ANK1: variants seen among roughly 807,000 people sequenced by gnomAD.
The protein encoded by ANK1 is ankyrin-1.
In ANK1, 51 loss-of-function variants were observed where a neutral mutation model predicts 210.4. The observed-to-expected ratio is 0.24, with a 90% CI of 0.19 to 0.31. The LOEUF is 0.31. ANK1 is among the 10% of genes least tolerant of loss of function. The pLI is 1.00. For missense variants in ANK1, 2,051 were observed against 2,504.4 expected, an observed-to-expected ratio of 0.82 and a Z score of 3.86; for synonymous variants, 967 against 1,025.9, an observed-to-expected ratio of 0.94 and a Z score of 1.10.
In ANK1 at chr8:41,727,949, C is replaced by T; in HGVS notation, c.286G>A (p.Glu96Lys). The T allele has an allele frequency of 6.2e-7, 1 of 1,614,190 alleles. No individual in the cohort carries two copies. The highest frequency in any genetic ancestry group is 8.5e-7 in the Non-Finnish European group (1 of 1,180,032). The change falls in exon 4 of 43, where the codon GAG becomes AAG. Residue 96 changes from glutamate (E) to lysine (K), a missense_variant. Glu to Lys is a moderately conservative substitution (Grantham distance 56). Transcript: ENST00000289734. Reference protein sequence around the residue: ...ALAGQDEVVRELVNYGANVNA... With the variant: ...ALAGQDEVVRKLVNYGANVNA... ...ACGTTGGCTCCATAGTTGACAAGCT[C>T]CCGGACCACCTCATCCTGCCCGGCT...
intron 2 of ANK1, among the ~76,000 whole-genome samples, chr8:41,739,468 C>T (rs1216785287): frequency 6.7e-6 from 1 of 149,560 alleles, no homozygotes; most frequent in Non-Finnish European, 1.5e-5. Context: ...ATCTCTAGGT[C>T]TGATTCTGTT....
At chr8:41,821,778 T>A (rs1804296380) in intron 1 of ANK1, among the ~76,000 whole-genome samples, 1 of 152,136 alleles carries the variant, frequency 6.6e-6, no homozygotes, top group African/African-American at 2.4e-5. Flanking sequence ...CCAGGCGCGG[T>A]GGCTTATGCC....
chr8:41,689,055 T>G (rs1226666406), intron 33 of ANK1, among the ~76,000 whole-genome samples: 6 of 152,334 alleles, frequency 3.9e-5, no homozygotes, highest in Non-Finnish European at 8.8e-5. Flanking sequence ...CCTTAAGGCC[T>G]TAACATCACA....
intron 37 of ANK1, among the ~76,000 whole-genome samples, chr8:41,674,798 C>A (rs559585539): frequency 6.6e-6 from 1 of 151,734 alleles, no homozygotes; most frequent in Non-Finnish European, 1.5e-5. Context: ...GGCTGCACAG[C>A]GGCAGAGACT....
chr8:41,797,739 A>C, upstream of ANK1: 1 of 677,850 alleles, frequency 1.5e-6, no homozygotes, highest in Non-Finnish European at 2.3e-6. This position sits in a 1 kb window ranked among gnomAD's most constrained non-coding sequence, Gnocchi z 4.0. Flanking sequence ...CCGCCTGGGG[A>C]CCGCAGATTA....
chr8:41,884,900 C>A (rs752845887), intron 1 of ANK1, among the ~76,000 whole-genome samples: 2 of 151,954 alleles, frequency 1.3e-5, no homozygotes, highest in African/African-American at 4.8e-5. Context: ...GAGCACCCTG[C>A]GCAAGGTGTG....
intron 21 of ANK1, 62 bp from the exon 22 acceptor site, chr8:41,701,684 C>A: frequency 6.6e-7 from 1 of 1,521,220 alleles, no homozygotes; most frequent in Non-Finnish European, 9.1e-7. Flanking sequence ...TTTTACCAGC[C>A]CAGCGGTTCC....
chr8:41,706,927 C>T (rs1183702097), intron 17 of ANK1, among the ~76,000 whole-genome samples: 1 of 152,072 alleles, frequency 6.6e-6, no homozygotes, highest in Non-Finnish European at 1.5e-5. Flanking sequence ...GGTGAGACCT[C>T]CATCTTTACT....
chr8:41,686,019 T>C, intron 36 of ANK1, 133 bp downstream of exon 36: 1 of 1,406,316 alleles, frequency 7.1e-7, no homozygotes, highest in Non-Finnish European at 1.0e-6. Context: ...ATGCGAGTGG[T>C]GCGTGAGTGT....
At chr8:41,761,983 G>A (rs1840583270) in intron 1 of ANK1, among the ~76,000 whole-genome samples, 1 of 151,870 alleles carries the variant, frequency 6.6e-6, no homozygotes, top group African/African-American at 2.4e-5. Context: ...CTCCATCCCT[G>A]CCTAACTGGT....
At chr8:41,666,538 C>G (rs900001627) in intron 39 of ANK1, among the ~76,000 whole-genome samples, 2 of 152,252 alleles carry the variant, frequency 1.3e-5, no homozygotes, top group African/African-American at 2.4e-5. Flanking sequence ...CCTCCTAAGT[C>G]CTCAGAGAAA....
At chr8:41,742,826 C>T (rs759190988) in intron 2 of ANK1, among the ~76,000 whole-genome samples, 7 of 152,138 alleles carry the variant, frequency 4.6e-5, no homozygotes, top group Non-Finnish European at 7.4e-5. Flanking sequence ...TGCCTAGATG[C>T]TTTTACCTTT....
At chr8:41,841,408 A>C (rs1236710824) in intron 1 of ANK1, among the ~76,000 whole-genome samples, 1 of 152,232 alleles carries the variant, frequency 6.6e-6, no homozygotes, top group Non-Finnish European at 1.5e-5. Flanking sequence ...TTTGCTGCTC[A>C]ATGGGCGTAA....
chr8:41,735,999 C>T lies in ANK1; in HGVS notation c.130-1930G>A, dbSNP rs552935636. ...TTCACCAAATATTTCCTCATGCAAA[C>T]GCCTGAAAATGACCACTGGCCATTA... is the stretch of plus-strand genomic sequence containing the variant. On this transcript the variant is annotated intron_variant, in intron 2 of 42. Transcript: ENST00000289734. 1.5e-3 allele frequency among the ~76,000 whole-genome samples: 231 copies of T among 152,164 alleles called. 1 individual carries two copies. The highest frequency in any genetic ancestry group is 2.6e-3 in the Non-Finnish European group (175 of 67,998).
chr8:41,754,118 C>T (rs1264620976), intron 2 of ANK1, among the ~76,000 whole-genome samples: 1 of 152,170 alleles, frequency 6.6e-6, no homozygotes, highest in African/African-American at 2.4e-5. Context: ...CTCTCACTGC[C>T]AATAGACTAC....
At chr8:41,894,947 A>G (rs1038558918) in intron 1 of ANK1, among the ~76,000 whole-genome samples, 6 of 152,094 alleles carry the variant, frequency 3.9e-5, no homozygotes, top group African/African-American at 1.4e-4. Flanking sequence ...TTGTGAAACT[A>G]CTATTTACAC....
intron 1 of ANK1, among the ~76,000 whole-genome samples, chr8:41,787,567 G>A (rs1846678916): frequency 6.6e-6 from 1 of 152,196 alleles, no homozygotes; most frequent in Non-Finnish European, 1.5e-5. Context: ...CATAGCCCCA[G>A]CTAGCTTCAA....
chr8:41,715,353 T>C lies in ANK1; in HGVS notation c.1603-279A>G, dbSNP rs539196353. On this transcript the variant is annotated intron_variant, in intron 14 of 42. Coordinates refer to ENST00000289734, the MANE Select transcript of ANK1 (RefSeq NM_000037.4). ...GGCAGGGTATGAGTCTTAATCCTTT[T>C]CATATCCCCAGAACCTGTTTGTGAC... is the stretch of plus-strand genomic sequence containing the variant. Among the ~76,000 whole-genome samples, 152 of 152,360 alleles carry C rather than the reference T, an allele frequency of 1.0e-3. 2 individuals carry two copies. Among genetic ancestry groups the C allele is most frequent in the South Asian group, 2.3e-3 (11 of 4,830 alleles).
intron 16 of ANK1, among the ~76,000 whole-genome samples, chr8:41,710,766 T>G (rs951347959): frequency 6.6e-6 from 1 of 152,222 alleles, no homozygotes; most frequent in African/African-American, 2.4e-5. Flanking sequence ...AGCCACTCTC[T>G]TACTGTGGAA....
Sources: gnomAD v4.1 joint callset for allele counts (sites outside exome capture counted in the v4.1 genomes callset) on GRCh38, gnomAD v4.1.1 for gene constraint, Gnocchi (gnomAD v3.1) non-coding constraint, MANE v1.5 for transcripts, NCBI Gene and HGNC (gene_info 2026-07-23, HGNC 2026-07-21) for gene names.